MAD1L1: variants seen among roughly 807,000 people sequenced by gnomAD.
MAD1L1 encodes the protein mitotic spindle assembly checkpoint protein MAD1.
In MAD1L1, 95 loss-of-function variants were observed where a neutral mutation model predicts 96.9. The ratio of observed to expected loss-of-function variants is 0.98; its 90% CI spans 0.83 to 1.16. MAD1L1 has a LOEUF of 1.16. Among genes scored for constraint, MAD1L1 ranks in the 50% most tolerant of loss-of-function variants. The pLI is 0.00. For missense variants in MAD1L1, 1,007 were observed against 954.4 expected, an observed-to-expected ratio of 1.06 and a Z score of -0.73; for synonymous variants, 473 against 396.6, an observed-to-expected ratio of 1.19 and a Z score of -2.29.
chr7:2,068,051 G>A (rs1045852007), intron 12 of MAD1L1, among the ~76,000 whole-genome samples: 8 of 152,382 alleles, frequency 5.2e-5, no homozygotes, highest in Non-Finnish European at 7.3e-5. Context: ...GAAACGTACC[G>A]TGCCTGACCA....
At chr7:1,969,839 C>G (rs1474184054) in intron 15 of MAD1L1, among the ~76,000 whole-genome samples, 1 of 152,226 alleles carries the variant, frequency 6.6e-6, no homozygotes, top group Non-Finnish European at 1.5e-5. Context: ...ACCCTAAAAA[C>G]TGCCAAACAT....
chr7:2,195,010 C>T (rs1020031279), intron 10 of MAD1L1, among the ~76,000 whole-genome samples: 2 of 151,996 alleles, frequency 1.3e-5, no homozygotes, highest in African/African-American at 2.4e-5. Context: ...ATCGCTTGAA[C>T]CTGGGAGGCT....
At chr7:2,059,516 A>C (rs1784541269) in intron 12 of MAD1L1, among the ~76,000 whole-genome samples, 2 of 143,498 alleles carry the variant, frequency 1.4e-5, no homozygotes, top group East Asian at 2.1e-4. Flanking sequence ...GCGGGGCTGG[A>C]AAGGGAGCAT....
At chr7:1,902,625 C>G (rs1297865163) in intron 17 of MAD1L1, among the ~76,000 whole-genome samples, 2 of 152,236 alleles carry the variant, frequency 1.3e-5, no homozygotes, top group East Asian at 1.9e-4. Context: ...GGGGCCTGAG[C>G]TATACCCACG....
chr7:2,193,488 T>C (rs1791827510), intron 10 of MAD1L1: 1 of 152,526 alleles, frequency 6.6e-6, no homozygotes, highest in East Asian at 1.9e-4. Context: ...CCAGCCAGTA[T>C]ACACCACGGT....
intron 18 of MAD1L1, among the ~76,000 whole-genome samples, chr7:1,884,417 C>T (rs1046086507): frequency 6.6e-6 from 1 of 152,176 alleles, no homozygotes; most frequent in African/African-American, 2.4e-5. Flanking sequence ...GCAGCCTCAG[C>T]GCCTCTGGCT....
intron 11 of MAD1L1, among the ~76,000 whole-genome samples, chr7:2,109,949 C>G (rs1787292684): frequency 1.3e-5 from 2 of 152,234 alleles, no homozygotes; most frequent in Admixed American, 6.5e-5. Context: ...GCGCAGAGGT[C>G]AGGCCACTAG....
At chr7:1,884,851 G>A (rs1562488291) in intron 18 of MAD1L1, among the ~76,000 whole-genome samples, 1 of 152,238 alleles carries the variant, frequency 6.6e-6, no homozygotes, top group African/African-American at 2.4e-5. Flanking sequence ...ACGCAGGCGG[G>A]GCAGGCCGTG....
At chr7:1,989,276 G>A (rs922998977) in intron 14 of MAD1L1, among the ~76,000 whole-genome samples, 9 of 150,592 alleles carry the variant, frequency 6.0e-5, no homozygotes, top group Non-Finnish European at 8.9e-5. Flanking sequence ...GGAAAATGGC[G>A]GCACCACTGT....
intron 14 of MAD1L1, among the ~76,000 whole-genome samples, chr7:1,983,146 GCGCGCGCGCACACACACACACACACACA>G (rs1437409719): frequency 2.3e-5 from 3 of 130,976 alleles, no homozygotes; most frequent in South Asian, 4.7e-4. Flanking sequence ...GCGCGCGCGC[GCGCGCGCGCACACACACACACACACACA>G]CACACACACA....
chr7:2,049,845 ACGTT>A (rs1784088723), intron 12 of MAD1L1, among the ~76,000 whole-genome samples: 1 of 151,470 alleles, frequency 6.6e-6, no homozygotes, highest in African/African-American at 2.4e-5. Context: ...ACCAGACCAC[ACGTT>A]CACAGGGCAC....
chr7:2,192,756 T>A (rs1791790164), intron 10 of MAD1L1, among the ~76,000 whole-genome samples: 2 of 152,204 alleles, frequency 1.3e-5, no homozygotes, highest in Non-Finnish European at 2.9e-5. Flanking sequence ...ATGTCATTAA[T>A]AAATTTATAC....
intron 11 of MAD1L1, among the ~76,000 whole-genome samples, chr7:2,099,305 G>T (rs1323213303): frequency 1.3e-5 from 2 of 152,256 alleles, no homozygotes; most frequent in Non-Finnish European, 2.9e-5. Flanking sequence ...TGTGGAGGGT[G>T]CAGGTCAGGT....
intron 16 of MAD1L1, among the ~76,000 whole-genome samples, chr7:1,950,433 G>A (rs970455678): frequency 1.3e-5 from 2 of 152,242 alleles, no homozygotes; most frequent in East Asian, 3.8e-4. Context: ...AGGACTCTCA[G>A]CACAGCCAAT....
chr7:1,947,046 C>T (rs779338126), intron 16 of MAD1L1, among the ~76,000 whole-genome samples: 19 of 152,342 alleles, frequency 1.2e-4, no homozygotes, highest in Middle Eastern at 3.4e-3. Flanking sequence ...CTCTGGGCCT[C>T]GGCTTCCCAT....
intron 11 of MAD1L1, among the ~76,000 whole-genome samples, chr7:2,134,839 C>A (rs1788678390): frequency 6.6e-6 from 1 of 152,178 alleles, no homozygotes; most frequent in Non-Finnish European, 1.5e-5. Flanking sequence ...CCAGGGACAC[C>A]CCTGCTGCTC....
At chr7:2,220,942 G>A (rs183524521) in intron 5 of MAD1L1, 69 of 1,612,394 alleles carry the variant, frequency 4.3e-5, no homozygotes, top group Admixed American at 3.2e-4. Context: ...AGGGTCACCC[G>A]TGTTGTAGGG....
At position 2,114,228 on chromosome 7, in the gene MAD1L1, G is replaced by T. The variant is rs1253102412; in HGVS notation, c.1073+34924C>A. ...TCCCAGAAGAACATGCCAGACACATGAGAAAGACAAAAGGGCAAATGGCCG... is the reference window on the plus strand; with the variant it reads ...TCCCAGAAGAACATGCCAGACACATTAGAAAGACAAAAGGGCAAATGGCCG... On this transcript the variant is annotated intron_variant, in intron 11 of 18. Transcript: ENST00000265854. The surrounding 1 kb of genome is among the most constrained non-coding windows in gnomAD (Gnocchi z 4.2). 6.6e-6 allele frequency among the ~76,000 whole-genome samples: 1 copy of T among 152,206 alleles called. No individual in the cohort carries two copies. Among genetic ancestry groups the T allele is most frequent in the Non-Finnish European group, 1.5e-5 (1 of 68,046 alleles).
chr7:1,919,210 A>T (rs1788620268), intron 17 of MAD1L1, among the ~76,000 whole-genome samples: 1 of 152,242 alleles, frequency 6.6e-6, no homozygotes, highest in South Asian at 2.1e-4. Flanking sequence ...TGAGATGCAG[A>T]GAGAAAAGGG....
Sources: allele counts gnomAD v4.1 joint callset (sites outside exome capture counted in the v4.1 genomes callset), GRCh38; gene constraint gnomAD v4.1.1; non-coding constraint Gnocchi (gnomAD v3.1); transcripts MANE v1.5; gene names NCBI Gene and HGNC (gene_info 2026-07-23, HGNC 2026-07-21).